NXPH1: variants seen among roughly 807,000 people sequenced by gnomAD.
NXPH1 encodes the protein neurexophilin 1, also known as neurexophilin-1.
NXPH1 carries 5 observed loss-of-function variants against 23.7 expected under a neutral mutation model. That is an observed-to-expected ratio of 0.21 (90% CI 0.11 to 0.44). The LOEUF is 0.44. NXPH1 is among the 20% of genes least tolerant of loss of function. NXPH1 has a pLI of 0.99. For synonymous variants in NXPH1, 144 were observed against 122.2 expected (o/e 1.18, Z -1.18); for missense variants, 324 against 321.6 (o/e 1.01, Z -0.06).
chr7:8,644,401 T>C (rs1352113350), intron 2 of NXPH1, among the ~76,000 whole-genome samples: 1 of 152,208 alleles, frequency 6.6e-6, no homozygotes, highest in African/African-American at 2.4e-5. Flanking sequence ...GGTTCTCACC[T>C]TGGCAATGGC....
At chr7:8,650,120 G>A (rs1265084748) in intron 2 of NXPH1, among the ~76,000 whole-genome samples, 1 of 152,084 alleles carries the variant, frequency 6.6e-6, no homozygotes, top group East Asian at 1.9e-4. Flanking sequence ...AATTTACTTT[G>A]ATTTAGAGAA....
chr7:8,482,642 C>CAA (rs1817093676), intron 2 of NXPH1, among the ~76,000 whole-genome samples: 1 of 152,144 alleles, frequency 6.6e-6, no homozygotes, highest in African/African-American at 2.4e-5. Flanking sequence ...CCCTCCTGTA[C>CAA]AAAAGGCCAA....
chr7:8,624,387 C>T (rs1173101996), intron 2 of NXPH1, among the ~76,000 whole-genome samples: 2 of 152,206 alleles, frequency 1.3e-5, no homozygotes, highest in Middle Eastern at 3.4e-3. Flanking sequence ...GCTAGAGATG[C>T]CAATTCCATA....
chr7:8,622,368 G>A (rs138333653), intron 2 of NXPH1, among the ~76,000 whole-genome samples: 153 of 152,316 alleles, frequency 1.0e-3, no homozygotes, highest in African/African-American at 3.3e-3. Flanking sequence ...ATTAGTGTGA[G>A]CAGAGCTGTG....
At chr7:8,648,527 T>C (rs1195250513) in intron 2 of NXPH1, among the ~76,000 whole-genome samples, 1 of 152,262 alleles carries the variant, frequency 6.6e-6, no homozygotes, top group African/African-American at 2.4e-5. Flanking sequence ...AGTACTGCAT[T>C]GTGTATACAC....
At chr7:8,534,361 A>G (rs1194943640) in intron 2 of NXPH1, among the ~76,000 whole-genome samples, 7 of 152,154 alleles carry the variant, frequency 4.6e-5, no homozygotes. Context: ...AAAAAATAGC[A>G]CAGTGGAATC....
intron 2 of NXPH1, among the ~76,000 whole-genome samples, chr7:8,673,339 G>C (rs1480064353): frequency 6.6e-6 from 1 of 152,112 alleles, no homozygotes; most frequent in Non-Finnish European, 1.5e-5. Context: ...TATGAGAAAA[G>C]TATCAAGTTC....
intron 2 of NXPH1, among the ~76,000 whole-genome samples, chr7:8,680,261 A>C (rs897345627): frequency 1.5e-4 from 23 of 152,200 alleles, no homozygotes; most frequent in African/African-American, 4.8e-4. Flanking sequence ...ATGTGGTAAG[A>C]GTTTGCTGGT....
intron 2 of NXPH1, among the ~76,000 whole-genome samples, chr7:8,557,445 G>A (rs1476206144): frequency 6.6e-6 from 1 of 151,624 alleles, no homozygotes; most frequent in Non-Finnish European, 1.5e-5. Flanking sequence ...TCCTGTGACA[G>A]ACTTGGTCAA....
intron 2 of NXPH1, among the ~76,000 whole-genome samples, chr7:8,456,804 T>A (rs954590655): frequency 6.6e-6 from 1 of 152,220 alleles, no homozygotes; most frequent in Non-Finnish European, 1.5e-5. Flanking sequence ...CCCTTTTATA[T>A]CTATTCCATG....
intron 2 of NXPH1, among the ~76,000 whole-genome samples, chr7:8,672,173 T>C (rs975852177): frequency 2.2e-4 from 33 of 152,154 alleles, no homozygotes; most frequent in Non-Finnish European, 4.4e-4. Flanking sequence ...TCATGTCCTT[T>C]GTAGGGACAT....
intron 2 of NXPH1, among the ~76,000 whole-genome samples, chr7:8,512,764 C>T (rs1161755261): frequency 6.6e-6 from 1 of 152,064 alleles, no homozygotes; most frequent in Non-Finnish European, 1.5e-5. Context: ...GTGTTTTCTC[C>T]CAACTGCAAA....
At chr7:8,624,888 A>T (rs1819954389) in intron 2 of NXPH1, among the ~76,000 whole-genome samples, 2 of 152,106 alleles carry the variant, frequency 1.3e-5, no homozygotes, top group African/African-American at 4.8e-5. Flanking sequence ...GAAGACCTGG[A>T]TTCAAGTCAT....
intron 2 of NXPH1, among the ~76,000 whole-genome samples, chr7:8,490,565 G>T (rs1817232434): frequency 6.6e-6 from 1 of 151,930 alleles, no homozygotes; most frequent in Admixed American, 6.6e-5. Context: ...TTCATTTTTT[G>T]TGGTCCTACA....
intron 2 of NXPH1, among the ~76,000 whole-genome samples, chr7:8,532,889 T>C (rs1272983794): frequency 6.6e-6 from 1 of 152,110 alleles, no homozygotes; most frequent in Admixed American, 6.6e-5. Flanking sequence ...TCTAGGTTAG[T>C]GTGGGGGTAA....
chr7:8,742,543 T>TG (rs1780385136), intron 2 of NXPH1, among the ~76,000 whole-genome samples: 1 of 152,160 alleles, frequency 6.6e-6, no homozygotes, highest in Non-Finnish European at 1.5e-5. Flanking sequence ...ATATACTAGC[T>TG]GAGATGTGTC....
intron 2 of NXPH1, among the ~76,000 whole-genome samples, chr7:8,697,972 G>A (rs1779561438): frequency 6.6e-6 from 1 of 152,180 alleles, no homozygotes; most frequent in South Asian, 2.1e-4. Flanking sequence ...CATTCTAAGT[G>A]TGGCAGGAAA....
chr7:8,750,350 G>T (rs1780542592), intron 2 of NXPH1, among the ~76,000 whole-genome samples: 1 of 152,060 alleles, frequency 6.6e-6, no homozygotes, highest in African/African-American at 2.4e-5. Flanking sequence ...AACAAAATGG[G>T]ATACATGTGC....
intron 2 of NXPH1, among the ~76,000 whole-genome samples, chr7:8,676,594 A>G (rs2115173420): frequency 6.6e-6 from 1 of 152,342 alleles, no homozygotes; most frequent in Admixed American, 6.5e-5. Flanking sequence ...TTACATTACT[A>G]GAAAAGAAAA....
Sources: gnomAD v4.1 joint callset for allele counts (sites outside exome capture counted in the v4.1 genomes callset) on GRCh38, gnomAD v4.1.1 for gene constraint, MANE v1.5 for transcripts, NCBI Gene and HGNC (gene_info 2026-07-23, HGNC 2026-07-21) for gene names.